The following TGFBRAP1 variants were observed in gnomAD, a reference collection of about 807,000 sequenced individuals.
TGFBRAP1 encodes transforming growth factor-beta receptor-associated protein 1.
TGFBRAP1 carries 20 observed loss-of-function variants against 83.2 expected under a neutral mutation model. The ratio of observed to expected loss-of-function variants is 0.24; its 90% CI spans 0.17 to 0.35. The LOEUF is 0.35. Ranked by LOEUF, TGFBRAP1 falls within the 10% of genes least tolerant of loss-of-function variation. The pLI is 1.00. For synonymous variants in TGFBRAP1, 415 were observed against 459.8 expected (o/e 0.90, Z 1.25); for missense variants, 950 against 1,099.4 (o/e 0.86, Z 1.92).
At chr2:105,326,232 A>T (rs2104426237) in intron 1 of TGFBRAP1, among the ~76,000 whole-genome samples, 1 of 152,320 alleles carries the variant, frequency 6.6e-6, no homozygotes, top group South Asian at 2.1e-4. Context: ...GTGTATACAT[A>T]CATATGCATA....
At chr2:105,300,275 C>T (rs1678239591) in intron 2 of TGFBRAP1, among the ~76,000 whole-genome samples, 1 of 152,060 alleles carries the variant, frequency 6.6e-6, no homozygotes, top group Non-Finnish European at 1.5e-5. Context: ...TTTCAATTTG[C>T]TTATAATTGT....
chr2:105,309,594 C>A (rs1265376931), intron 1 of TGFBRAP1, among the ~76,000 whole-genome samples: 1 of 152,158 alleles, frequency 6.6e-6, no homozygotes, highest in African/African-American at 2.4e-5. Flanking sequence ...TGTCTGCCCC[C>A]ATCCATGGGG....
At chr2:105,286,667 C>G (rs1471171076) in intron 4 of TGFBRAP1, among the ~76,000 whole-genome samples, 1 of 152,186 alleles carries the variant, frequency 6.6e-6, no homozygotes, top group Admixed American at 6.5e-5. Context: ...CACTCTATGT[C>G]TACTCTGTAC....
chr2:105,278,390 G>A (rs1187747277), intron 6 of TGFBRAP1, among the ~76,000 whole-genome samples: 1 of 152,288 alleles, frequency 6.6e-6, no homozygotes, highest in South Asian at 2.1e-4. Flanking sequence ...AGACTGAGAA[G>A]GAGGGCAGGG....
At chr2:105,278,017 C>T (rs1677406294) in intron 6 of TGFBRAP1, among the ~76,000 whole-genome samples, 1 of 151,832 alleles carries the variant, frequency 6.6e-6, no homozygotes, top group Admixed American at 6.6e-5. Context: ...CCTGATTGTG[C>T]CACTGCACTC....
intron 4 of TGFBRAP1, among the ~76,000 whole-genome samples, chr2:105,287,786 C>G (rs1276604548): frequency 6.6e-6 from 1 of 152,088 alleles, no homozygotes; most frequent in East Asian, 1.9e-4. Context: ...CCTTCCAGGT[C>G]TATCTGCTTG....
chr2:105,296,246 G>A lies in TGFBRAP1; in HGVS notation c.1038+110C>T, dbSNP rs1043523726. On this transcript the variant is annotated intron_variant, in intron 4 of 11. Transcript: ENST00000393359. ...AGAAAATTAAACAACAGATATAAAA[G>A]CAGTGTGTACAGCCCGGTACACAGG... 35 of 1,279,180 alleles carry A rather than the reference G, an allele frequency of 2.7e-5. No individual in the cohort carries two copies. In the South Asian group the frequency reaches 4.6e-4, roughly 17 times the overall value. The allele number at this position is 1,279,180 out of a possible 1,614,324, so 79.2% of individuals were successfully genotyped here.
At chr2:105,323,487 G>T (rs1679127431) in intron 1 of TGFBRAP1, among the ~76,000 whole-genome samples, 1 of 152,182 alleles carries the variant, frequency 6.6e-6, no homozygotes. Context: ...AGCAGGACAG[G>T]CAGGTATGAC....
intron 5 of TGFBRAP1, among the ~76,000 whole-genome samples, chr2:105,282,245 C>T (rs1220117607): frequency 2.6e-5 from 4 of 152,144 alleles, no homozygotes; most frequent in Non-Finnish European, 5.9e-5. Context: ...GCTCAGGCCA[C>T]GTTTGCTGAA....
chr2:105,316,225 C>T (rs941079907), intron 1 of TGFBRAP1, among the ~76,000 whole-genome samples: 4 of 151,830 alleles, frequency 2.6e-5, no homozygotes, highest in African/African-American at 9.7e-5. Flanking sequence ...GGGTGACAGA[C>T]ATAGTCTGTA....
At chr2:105,251,770 T>C in the TGFBRAP1 span, among the ~76,000 whole-genome samples, 1 of 151,278 alleles carries the variant, frequency 6.6e-6, no homozygotes, top group Non-Finnish European at 1.5e-5. Context: ...GAGGTAGACA[T>C]GGGAGACTTT....
intron 4 of TGFBRAP1, among the ~76,000 whole-genome samples, chr2:105,295,226 A>G (rs1678043200): frequency 6.6e-6 from 1 of 152,218 alleles, no homozygotes; most frequent in Non-Finnish European, 1.5e-5. Context: ...TTTCATTTTC[A>G]GAATCTACCC....
intron 11 of TGFBRAP1, among the ~76,000 whole-genome samples, chr2:105,268,729 C>A (rs911717485): frequency 1.3e-5 from 2 of 152,190 alleles, no homozygotes; most frequent in Non-Finnish European, 1.5e-5. Flanking sequence ...CTCTGCCAGC[C>A]ATGTGGAATT....
In TGFBRAP1 at chr2:105,298,535, C is replaced by A; in HGVS notation, c.859G>T (p.Gly287Cys). 6.2e-7 allele frequency: 1 copy of A among 1,607,808 alleles called. No homozygotes were observed. Among genetic ancestry groups the A allele is most frequent in the Non-Finnish European group, 8.5e-7 (1 of 1,175,906 alleles). Residue 287 changes from glycine (G) to cysteine (C), a missense_variant, in exon 3 of 12, where the codon GGC (glycine) becomes TGC (cysteine). Coordinates refer to ENST00000393359, the MANE Select transcript of TGFBRAP1 (RefSeq NM_004257.6). ...QQKQTLPFKEGHILQDFEGRV... is the reference protein window; with the variant it reads ...QQKQTLPFKECHILQDFEGRV... Reference sequence around the variant, plus strand: ...CCTTCAAAGTCCTGTAGGATATGGCCCTCCTTAAAGGGCAGCGTCTGCTTC... The same window carrying A: ...CCTTCAAAGTCCTGTAGGATATGGCACTCCTTAAAGGGCAGCGTCTGCTTC...
At chr2:105,249,842 T>A in the TGFBRAP1 span, 3 of 152,332 alleles carry the variant, frequency 2.0e-5, no homozygotes, top group Admixed American at 6.5e-5. Flanking sequence ...CAGGGCACCA[T>A]AATTTAACTA....
At chr2:105,302,691 T>A (rs1450769069) in intron 2 of TGFBRAP1, among the ~76,000 whole-genome samples, 1 of 152,232 alleles carries the variant, frequency 6.6e-6, no homozygotes, top group Non-Finnish European at 1.5e-5. Context: ...AAAAGCTAGC[T>A]GTGAGCTTAG....
chr2:105,291,923 C>T (rs1677930326), intron 4 of TGFBRAP1, among the ~76,000 whole-genome samples: 1 of 152,146 alleles, frequency 6.6e-6, no homozygotes, highest in Admixed American at 6.5e-5. Context: ...GGAAAGAAAT[C>T]CAGATTGTCA....
rs146729524 is a variant in TGFBRAP1 at position 105,266,981 on chromosome 2, C to T, written c.*402G>A. The T allele has an allele frequency of 2.3e-3, 378 of 166,704 alleles. 3 individuals carry two copies. Among genetic ancestry groups the T allele is most frequent in the African/African-American group, 8.4e-3 (353 of 41,996 alleles). 10.3% of individuals were successfully genotyped at this position (166,704 alleles called of 1,614,324 possible). A position where few individuals can be genotyped will look rare whatever the true frequency, so the allele number is the denominator to read the frequency against. On this transcript the variant is annotated 3_prime_UTR_variant, in exon 12 of 12. Transcript: ENST00000393359. ...TTTGTCGCCAGCCATGGTGAAGCCA[C>T]GTTTCCAGTGCAAACATGAGTCTAA...
At chr2:105,303,710 C>T (rs77478350) in intron 2 of TGFBRAP1, among the ~76,000 whole-genome samples, 7,174 of 152,226 alleles carry the variant, frequency 0.047, 201 homozygotes, top group African/African-American at 0.075. Flanking sequence ...CATTATGCAA[C>T]CTTGACAGAG....
Sources: allele counts gnomAD v4.1 joint callset (sites outside exome capture counted in the v4.1 genomes callset), GRCh38; gene constraint gnomAD v4.1.1; transcripts MANE v1.5; gene names NCBI Gene and HGNC (gene_info 2026-07-23, HGNC 2026-07-21).